The following BTRC variants were observed in gnomAD, a reference collection of about 807,000 sequenced individuals.
BTRC encodes F-box/WD repeat-containing protein 1A.
A neutral mutation model predicts 85.5 loss-of-function variants in BTRC; 42 were observed. The ratio of observed to expected loss-of-function variants is 0.49; its 90% CI spans 0.38 to 0.64. The LOEUF (loss-of-function observed/expected upper bound fraction) is 0.64, where lower values mean the gene tolerates loss of function less well. Among genes scored for constraint, BTRC ranks in the 30% least tolerant of loss-of-function variants. The pLI is 0.00. For synonymous variants in BTRC, 255 were observed against 263.3 expected (o/e 0.97, Z 0.30); for missense variants, 594 against 743.5 (o/e 0.80, Z 2.34).
At chr10:101,505,779 T>G (rs572227569) in intron 4 of BTRC, among the ~76,000 whole-genome samples, 1 of 152,208 alleles carries the variant, frequency 6.6e-6, no homozygotes, top group South Asian at 2.1e-4. Flanking sequence ...GTAAATGCTA[T>G]TTTTAGAAAA....
In BTRC at chr10:101,549,713, C is replaced by CAAAAAA. The variant is rs755481178; in HGVS notation, c.1657-968_1657-963dup. 5.7e-3 allele frequency among the ~76,000 whole-genome samples: 244 copies of CAAAAAA among 42,746 alleles called. 35 individuals carry two copies. Among genetic ancestry groups the CAAAAAA allele is most frequent in the African/African-American group, 0.03 (228 of 7,728 alleles). The allele number at this position is 42,746 out of a possible 152,430, so 28.0% of individuals were successfully genotyped here. ...GGGGCGAAAGAGCGAGACTCTGTCT[C>CAAAAAA]AAAAAAAAAAAAAAAAAAAAAAAGA... On this transcript the variant is annotated intron_variant, in intron 13 of 14. Transcript: ENST00000370187.
intron 2 of BTRC, among the ~76,000 whole-genome samples, chr10:101,452,142 T>C (rs1944969526): frequency 6.6e-6 from 1 of 152,222 alleles, no homozygotes; most frequent in South Asian, 2.1e-4. Context: ...AGAATGATTA[T>C]ATTAGCATGC....
chr10:101,461,005 C>T (rs917833083), intron 2 of BTRC, among the ~76,000 whole-genome samples: 4 of 151,954 alleles, frequency 2.6e-5, no homozygotes, highest in Non-Finnish European at 5.9e-5. Flanking sequence ...TGGGTTCAGG[C>T]GATTCTCCTG....
At chr10:101,538,471 C>A in intron 13 of BTRC, 100 bp downstream of exon 13, 1 of 1,051,762 alleles carries the variant, frequency 9.5e-7, no homozygotes, top group Non-Finnish European at 1.5e-6. Context: ...ATAGTTACAA[C>A]CTCACAAAAC....
intron 1 of BTRC, among the ~76,000 whole-genome samples, chr10:101,375,044 A>G (rs889890790): frequency 9.9e-5 from 15 of 152,090 alleles, no homozygotes; most frequent in Admixed American, 9.8e-4. Context: ...TCTGTTGGCA[A>G]CTCAACCAGG....
chr10:101,549,191 T>G (rs901504131), intron 13 of BTRC, among the ~76,000 whole-genome samples: 12 of 150,742 alleles, frequency 8.0e-5, no homozygotes, highest in African/African-American at 2.7e-4. Context: ...TCTCAGAGCT[T>G]TGGGAGGCCA....
intron 4 of BTRC, among the ~76,000 whole-genome samples, chr10:101,515,477 A>G (rs375230167): frequency 6.6e-6 from 1 of 151,828 alleles, no homozygotes; most frequent in Admixed American, 6.6e-5. Context: ...GCAATGTTTT[A>G]TAGTTTTCAA....
At chr10:101,413,684 A>C (rs995795789) in intron 1 of BTRC, among the ~76,000 whole-genome samples, 1 of 152,190 alleles carries the variant, frequency 6.6e-6, no homozygotes, top group African/African-American at 2.4e-5. Flanking sequence ...GGAAAAAAAA[A>C]CTTTATATTA....
chr10:101,394,114 G>A (rs1222716300), intron 1 of BTRC, among the ~76,000 whole-genome samples: 1 of 152,282 alleles, frequency 6.6e-6, no homozygotes, highest in Non-Finnish European at 1.5e-5. Context: ...CTATTTAGAA[G>A]ATATTATGGA....
intron 1 of BTRC, among the ~76,000 whole-genome samples, chr10:101,386,662 G>T (rs1943087194): frequency 6.6e-6 from 1 of 152,164 alleles, no homozygotes; most frequent in Admixed American, 6.5e-5. Context: ...GGACTTGTTT[G>T]ACTTGCCAGT....
intron 2 of BTRC, among the ~76,000 whole-genome samples, chr10:101,459,872 C>G (rs547024597): frequency 3.3e-5 from 5 of 152,090 alleles, no homozygotes; most frequent in African/African-American, 4.8e-5. Context: ...GACTATTTTT[C>G]ACTTTATAAT....
intron 10 of BTRC, 23 bp downstream of exon 10, chr10:101,534,933 G>A: frequency 6.2e-7 from 1 of 1,602,132 alleles, no homozygotes; most frequent in South Asian, 1.1e-5. Context: ...TTTTCAGTAA[G>A]TTTCCAACTT....
At chr10:101,421,713 C>T (rs895765868) in intron 1 of BTRC, among the ~76,000 whole-genome samples, 11 of 145,532 alleles carry the variant, frequency 7.6e-5, no homozygotes, top group South Asian at 2.2e-4. Flanking sequence ...AGAGTGAGAA[C>T]GTGCAGTGTT....
intron 1 of BTRC, among the ~76,000 whole-genome samples, chr10:101,388,428 A>G (rs1461240505): frequency 6.6e-6 from 1 of 151,700 alleles, no homozygotes; most frequent in Non-Finnish European, 1.5e-5. Flanking sequence ...TTGGCCTGAA[A>G]CAATCTTCCT....
Position 101,383,165 on chromosome 10 carries a change from G to C in BTRC, c.48+28937G>C, listed in dbSNP as rs186420787. Among the ~76,000 whole-genome samples the C allele has an allele frequency of 1.3e-3, 198 of 147,762 alleles. 1 individual carries two copies. Among genetic ancestry groups the C allele is most frequent in the Admixed American group, 3.2e-3 (46 of 14,524 alleles). On this transcript the variant is annotated intron_variant, in intron 1 of 14. Coordinates refer to ENST00000370187, the MANE Select transcript of BTRC (RefSeq NM_033637.4). ...TGCAGCCTTGACCTCCCAGGCTCAAGTGATCCTCCCACCTCAGCCTCCTTA... is the reference window on the plus strand; with the variant it reads ...TGCAGCCTTGACCTCCCAGGCTCAACTGATCCTCCCACCTCAGCCTCCTTA...
intron 2 of BTRC, among the ~76,000 whole-genome samples, chr10:101,447,107 C>T (rs564638544): frequency 2.2e-4 from 33 of 152,174 alleles, no homozygotes; most frequent in Admixed American, 5.9e-4. Context: ...TCTTGAGGGA[C>T]GCAAGTAATA....
intron 2 of BTRC, among the ~76,000 whole-genome samples, chr10:101,446,428 A>G (rs1473129868): frequency 2.0e-5 from 3 of 152,150 alleles, no homozygotes; most frequent in African/African-American, 7.2e-5. Flanking sequence ...GAAGCAAATT[A>G]TCCAGTACAT....
At chr10:101,502,284 G>A (rs1242622845) in intron 4 of BTRC, among the ~76,000 whole-genome samples, 1 of 151,994 alleles carries the variant, frequency 6.6e-6, no homozygotes, top group Non-Finnish European at 1.5e-5. Context: ...TTAGAGTAAT[G>A]CACTGAGAGT....
intron 1 of BTRC, among the ~76,000 whole-genome samples, chr10:101,365,674 A>G (rs1326837084): frequency 6.9e-6 from 1 of 145,014 alleles, no homozygotes; most frequent in African/African-American, 2.5e-5. Flanking sequence ...ACAGGGTTTC[A>G]CCATGTTGGC....
Sources: allele counts gnomAD v4.1 joint callset (sites outside exome capture counted in the v4.1 genomes callset), GRCh38; gene constraint gnomAD v4.1.1; transcripts MANE v1.5; gene names NCBI Gene and HGNC (gene_info 2026-07-23, HGNC 2026-07-21).